The following RMI1 variants were observed in gnomAD, a reference collection of about 807,000 sequenced individuals.
RMI1 encodes recQ-mediated genome instability protein 1.
In RMI1, 36 loss-of-function variants were observed where a neutral mutation model predicts 46.7. The ratio of observed to expected loss-of-function variants is 0.77; its 90% CI spans 0.59 to 1.02. The LOEUF (loss-of-function observed/expected upper bound fraction) is 1.02. RMI1 is among the 50% of genes least tolerant of loss of function. RMI1 has a pLI of 0.00. For synonymous variants in RMI1, 250 were observed against 252.9 expected (o/e 0.99, Z 0.11); for missense variants, 676 against 713.7 (o/e 0.95, Z 0.60).
intron 1 of RMI1, among the ~76,000 whole-genome samples, chr9:83,990,051 G>C (rs1237770070): frequency 1.3e-5 from 2 of 152,176 alleles, no homozygotes; most frequent in African/African-American, 4.8e-5. Context: ...GATGTAACTG[G>C]AGAACATTAT....
At chr9:83,992,255 T>C (rs778257969) in intron 1 of RMI1, among the ~76,000 whole-genome samples, 6 of 152,054 alleles carry the variant, frequency 3.9e-5, no homozygotes, top group South Asian at 2.1e-4. Flanking sequence ...GGCAACCTTA[T>C]TTGAAGGTTT....
chr9:84,003,156 G>C lies in RMI1; in HGVS notation c.*292G>C. 1 of 207,436 alleles carries C rather than the reference G, an allele frequency of 4.8e-6. No homozygotes were observed. The highest frequency in any genetic ancestry group is 2.1e-3 in the Middle Eastern group (1 of 468). The allele number at this position is 207,436 out of a possible 1,614,324, so 12.8% of individuals were successfully genotyped here. A position where few individuals can be genotyped will look rare whatever the true frequency, so the allele number is the denominator to read the frequency against. ...CCTCTTGAGCTCAAGCGATCCTCCT[G>C]CCTTAGCCTCTTGAGTTGCTGGGAC... On this transcript the variant is annotated 3_prime_UTR_variant, in exon 3 of 3. Coordinates refer to ENST00000445877, the MANE Select transcript of RMI1 (RefSeq NM_001358291.2).
At chr9:84,000,020 C>T (rs2133128943) in intron 2 of RMI1, among the ~76,000 whole-genome samples, 1 of 152,282 alleles carries the variant, frequency 6.6e-6, no homozygotes, top group African/African-American at 2.4e-5. Flanking sequence ...TGCTTTACAT[C>T]TATCAGCTCA....
intron 1 of RMI1, among the ~76,000 whole-genome samples, chr9:83,987,694 G>C (rs1038068471): frequency 6.6e-6 from 1 of 151,940 alleles, no homozygotes; most frequent in Non-Finnish European, 1.5e-5. Context: ...CCACTGAACT[G>C]TTTTCTGTTT....
At chr9:83,991,877 T>C (rs1957580031) in intron 1 of RMI1, among the ~76,000 whole-genome samples, 1 of 152,232 alleles carries the variant, frequency 6.6e-6, no homozygotes, top group Non-Finnish European at 1.5e-5. Flanking sequence ...CACTGTTGAT[T>C]ATTGTAGTTT....
intron 1 of RMI1, among the ~76,000 whole-genome samples, chr9:83,986,838 T>C (rs2133104282): frequency 6.6e-6 from 1 of 152,376 alleles, no homozygotes; most frequent in East Asian, 1.9e-4. Flanking sequence ...CTTCTTTTCT[T>C]ACTGATTCAT....
intron 1 of RMI1, among the ~76,000 whole-genome samples, chr9:83,998,912 G>A (rs1238339428): frequency 6.6e-6 from 1 of 152,124 alleles, no homozygotes; most frequent in East Asian, 1.9e-4. Flanking sequence ...AGGCTGAGGT[G>A]GGCAGATCAC....
chr9:83,985,932 C>A (rs985785991), intron 1 of RMI1, among the ~76,000 whole-genome samples: 4 of 152,094 alleles, frequency 2.6e-5, no homozygotes, highest in African/African-American at 9.7e-5. Context: ...TGGCAGGAAC[C>A]CGGCAGGCTG....
rs904705978 is a variant in RMI1, at chr9:84,002,380, A to G, written c.1394A>G (p.Asn465Ser). 2 of 1,610,862 alleles carry G rather than the reference A, an allele frequency of 1.2e-6. No homozygotes were observed. The highest frequency in any genetic ancestry group is 1.3e-5 in the African/African-American group (1 of 74,846). ...NSQISNENDCNLQSCSLRSSE... is the reference protein window; with the variant it reads ...NSQISNENDCSLQSCSLRSSE... Reference sequence around the variant, plus strand: ...CAAATTTCTAATGAAAATGATTGTAATTTACAGAGTTGTTCTTTAAGATCA... The same window carrying G: ...CAAATTTCTAATGAAAATGATTGTAGTTTACAGAGTTGTTCTTTAAGATCA... The change falls in exon 3 of 3, where the codon AAT becomes AGT. Residue 465 changes from asparagine to serine, a missense_variant. Coordinates refer to ENST00000445877, the MANE Select transcript of RMI1 (RefSeq NM_001358291.2).
At chr9:83,999,860 G>A (rs1218237258) in intron 2 of RMI1, 63 bp downstream of exon 2, 2 of 152,154 alleles carry the variant, frequency 1.3e-5, no homozygotes, top group African/African-American at 4.8e-5. Flanking sequence ...ATCTTCATCT[G>A]TAGAAGGAAC....
intron 1 of RMI1, among the ~76,000 whole-genome samples, chr9:83,986,038 G>A (rs2133102984): frequency 6.6e-6 from 1 of 152,020 alleles, no homozygotes; most frequent in Middle Eastern, 3.4e-3. Context: ...CATATACCAG[G>A]AAGAGCAAGT....
intron 1 of RMI1, among the ~76,000 whole-genome samples, chr9:83,982,189 T>C (rs1957420540): frequency 6.6e-6 from 1 of 152,224 alleles, no homozygotes; most frequent in East Asian, 1.9e-4. Flanking sequence ...CAGTTAGTAT[T>C]TGCAACATTT....
intron 1 of RMI1, among the ~76,000 whole-genome samples, chr9:83,989,441 C>T (rs751451560): frequency 6.6e-5 from 10 of 151,936 alleles, no homozygotes; most frequent in East Asian, 1.9e-4. Context: ...ATCCATCTGA[C>T]GAGGGATTAA....
intron 1 of RMI1, among the ~76,000 whole-genome samples, chr9:83,989,225 G>C (rs1348096829): frequency 6.6e-6 from 1 of 152,116 alleles, no homozygotes; most frequent in East Asian, 1.9e-4. Flanking sequence ...ACCTGAAACT[G>C]TGAAACTACT....
intron 1 of RMI1, 146 bp from the exon 2 acceptor site, chr9:83,999,563 G>A (rs983898899): frequency 6.6e-6 from 1 of 152,092 alleles, no homozygotes; most frequent in African/African-American, 2.4e-5. Flanking sequence ...AAGGAAACAG[G>A]CTTAGAGAGA....
intron 1 of RMI1, among the ~76,000 whole-genome samples, chr9:83,995,086 G>A (rs533621428): frequency 6.6e-6 from 1 of 152,044 alleles, no homozygotes; most frequent in South Asian, 2.1e-4. Context: ...CACAACCTCC[G>A]CCTCCCAGAT....
rs539049043 is a variant in RMI1 at position 83,982,877 on chromosome 9, A to G, written c.-126+1986A>G. Among the ~76,000 whole-genome samples, 142 of 151,980 alleles carry G rather than the reference A, an allele frequency of 9.3e-4. 1 individual carries two copies. The highest frequency in any genetic ancestry group is 1.7e-3 in the Non-Finnish European group (115 of 67,952). On this transcript the variant is annotated intron_variant, in intron 1 of 2. Coordinates refer to ENST00000445877, the MANE Select transcript of RMI1 (RefSeq NM_001358291.2). ...GAAAGTCTTTTTTCTCCATCCTTTT[A>G]TTCTCTGTTTGAAATTAAGACTTTT...
chr9:83,984,951 T>C (rs1296877815), intron 1 of RMI1, among the ~76,000 whole-genome samples: 1 of 152,234 alleles, frequency 6.6e-6, no homozygotes, highest in Non-Finnish European at 1.5e-5. Flanking sequence ...GATCAGGAGC[T>C]GTTCTTTGCA....
In RMI1 at chr9:84,002,940, A is replaced by C; in HGVS notation, c.*76A>C. On this transcript the variant is annotated 3_prime_UTR_variant, in exon 3 of 3. Coordinates refer to ENST00000445877, the MANE Select transcript of RMI1 (RefSeq NM_001358291.2). ...GAATTTGTTCACAATTTTACTTATG[A>C]TACTTTGTGTAAAAAGGAAAAATGA... The C allele has an allele frequency of 1.1e-6, 1 of 897,912 alleles. No individual in the cohort carries two copies. Among genetic ancestry groups the C allele is most frequent in the Non-Finnish European group, 1.6e-6 (1 of 614,426 alleles). 55.6% of individuals were successfully genotyped at this position (897,912 alleles called of 1,614,324 possible).
Sources: gnomAD v4.1 joint callset for allele counts (sites outside exome capture counted in the v4.1 genomes callset) on GRCh38, gnomAD v4.1.1 for gene constraint, MANE v1.5 for transcripts, NCBI Gene and HGNC (gene_info 2026-07-23, HGNC 2026-07-21) for gene names.